TARS1: variants seen among roughly 807,000 people sequenced by gnomAD.
TARS1 encodes the protein threonyl-tRNA synthetase 1, also known as threonine--tRNA ligase 1, cytoplasmic.
TARS1 carries 57 observed loss-of-function variants against 97.7 expected under a neutral mutation model. The observed-to-expected ratio is 0.58, with a 90% CI of 0.47 to 0.73. The LOEUF (loss-of-function observed/expected upper bound fraction) is 0.73. TARS1 is among the 30% of genes least tolerant of loss of function. The pLI is 0.00. For synonymous variants in TARS1, 312 were observed against 293.7 expected (o/e 1.06, Z -0.64); for missense variants, 806 against 888.3 (o/e 0.91, Z 1.18).
rs938933542 is a variant in TARS1 at position 33,467,422 on chromosome 5, T to C, written c.2024-138T>C. 20 of 889,160 alleles carry C rather than the reference T, an allele frequency of 2.2e-5. No individual in the cohort carries two copies. In the Admixed American group the frequency reaches 5.7e-4, roughly 26 times the overall value. 55.1% of individuals were successfully genotyped at this position (889,160 alleles called of 1,614,324 possible). ...AGAGTTTCTTTTAAATATCAACACA[T>C]GGTCACTTGTACCTTTTAATGTATC... On this transcript the variant is annotated intron_variant, in intron 18 of 18. Coordinates refer to ENST00000265112, the MANE Select transcript of TARS1 (RefSeq NM_152295.5).
chr5:33,466,936 G>A lies in TARS1; in HGVS notation c.1974G>A (p.Leu658=). Residue 658 remains leucine, a synonymous_variant, in exon 18 of 19, where the codon TTG becomes TTA. Coordinates refer to ENST00000265112, the MANE Select transcript of TARS1 (RefSeq NM_152295.5). The part of the protein sequence containing the change: ...ADIDLDPGCT[L]NKKIRNAQLA... ...TTGATCTGGATCCAGGCTGTACATT[G>A]AATAAAAAGATTCGAAATGCACAGT... 1 of 1,604,994 alleles carries A rather than the reference G, an allele frequency of 6.2e-7. No homozygotes were observed. The highest frequency in any genetic ancestry group is 1.7e-5 in the Admixed American group (1 of 58,508).
chr5:33,460,078 G>A, intron 11 of TARS1: 2 of 422,018 alleles, frequency 4.7e-6, no homozygotes, highest in South Asian at 9.3e-5. Flanking sequence ...GTGCAGGTAT[G>A]CGATTATAGC....
At chr5:33,441,597 T>A (rs747941198) in intron 1 of TARS1, 9 of 163,600 alleles carry the variant, frequency 5.5e-5, no homozygotes, top group Non-Finnish European at 1.1e-4. Context: ...GCCCGAGATC[T>A]GACCCAGCTT....
At chr5:33,456,299 T>G in intron 8 of TARS1, 72 bp downstream of exon 8, 1 of 1,214,984 alleles carries the variant, frequency 8.2e-7, no homozygotes, top group Non-Finnish European at 1.2e-6. Flanking sequence ...TTTCACTGAT[T>G]TCTCTTTACC....
intron 5 of TARS1, 97 bp from the exon 6 acceptor site, chr5:33,455,490 C>T (rs1343175856): frequency 5.5e-6 from 4 of 731,158 alleles, no homozygotes; most frequent in African/African-American, 5.3e-5. Flanking sequence ...ATATTAAAAC[C>T]CTTGAAGTAT....
At chr5:33,441,219 G>T (rs192884792) in intron 1 of TARS1, 76 bp downstream of exon 1, 41 of 1,580,052 alleles carry the variant, frequency 2.6e-5, no homozygotes, top group Middle Eastern at 1.7e-4. Context: ...CGGCGGGAGC[G>T]GGGGGCAGGA....
intron 9 of TARS1, among the ~76,000 whole-genome samples, chr5:33,458,363 T>C (rs1455033363): frequency 6.6e-6 from 1 of 152,188 alleles, no homozygotes; most frequent in Non-Finnish European, 1.5e-5. Context: ...AGGGCATGTG[T>C]TACACGTCTG....
At chr5:33,466,391 T>A (rs2292015) in intron 17 of TARS1, among the ~76,000 whole-genome samples, 76,595 of 149,240 alleles carry the variant, frequency 0.51, 20,304 homozygotes, top group East Asian at 0.74. Context: ...ATAACCTGAT[T>A]AAAAAAAAAA....
chr5:33,461,043 C>T lies in TARS1; in HGVS notation c.1392C>T (p.His464=), dbSNP rs757946329. 4.0e-5 allele frequency: 64 copies of T among 1,614,022 alleles called. 2 individuals carry two copies. In the South Asian group the frequency reaches 6.6e-4, roughly 17 times the overall value. ...RVRRFQQDDA[H]IFCAMEQIED... ...GAAGATTCCAACAGGATGATGCTCA[C>T]ATATTCTGTGCCATGGAGCAGGTAT... Residue 464 remains histidine (H), a synonymous_variant, in exon 12 of 19, where the codon CAC becomes CAT. Transcript: ENST00000265112.
intron 3 of TARS1, among the ~76,000 whole-genome samples, chr5:33,449,459 T>C (rs1254662603): frequency 1.5e-5 from 2 of 132,780 alleles, no homozygotes; most frequent in African/African-American, 5.7e-5. Flanking sequence ...TTTTTTTTTT[T>C]TTTTTTTTTT....
intron 1 of TARS1, among the ~76,000 whole-genome samples, chr5:33,442,311 GT>G (rs1444448456): frequency 9.6e-6 from 1 of 104,052 alleles, no homozygotes; most frequent in Non-Finnish European, 2.0e-5. Context: ...TATTTTTACT[GT>G]TTTGTAACTT....
intron 2 of TARS1, among the ~76,000 whole-genome samples, chr5:33,447,080 G>A (rs963790208): frequency 3.3e-5 from 5 of 152,150 alleles, no homozygotes; most frequent in Admixed American, 2.0e-4. Context: ...GGGCCAAAAT[G>A]CGCTGTGACT....
At chr5:33,458,465 T>C in intron 9 of TARS1, 101 bp from the exon 10 acceptor site, 1 of 895,136 alleles carries the variant, frequency 1.1e-6, no homozygotes, top group Non-Finnish European at 1.7e-6. Flanking sequence ...ATATGGGACA[T>C]CATGACCATA....
At chr5:33,452,376 C>T (rs1400051694) in intron 3 of TARS1, 4 of 1,535,278 alleles carry the variant, frequency 2.6e-6, no homozygotes, top group African/African-American at 1.4e-5. Flanking sequence ...TCTTCACTTG[C>T]ATCTCTGCTT....
intron 3 of TARS1, 141 bp downstream of exon 3, chr5:33,448,872 A>T: frequency 1.5e-6 from 1 of 648,190 alleles, no homozygotes. Context: ...CCTACTTGAG[A>T]TTTTTTAAAA....
intron 11 of TARS1, 57 bp from the exon 12 acceptor site, chr5:33,460,845 G>GCATTACAGAA: frequency 3.8e-6 from 6 of 1,589,840 alleles, no homozygotes; most frequent in Non-Finnish European, 5.2e-6. Context: ...ATTAAATATA[G>GCATTACAGAA]CATTACAGAA....
intron 3 of TARS1, 26 bp from the exon 4 acceptor site, chr5:33,453,263 C>CTT (rs35931457): frequency 1.5e-3 from 2,051 of 1,338,616 alleles, no homozygotes; most frequent in South Asian, 5.2e-3. Context: ...TATGTGTGGA[C>CTT]TTTTTTTTTT....
intron 17 of TARS1, among the ~76,000 whole-genome samples, chr5:33,465,764 A>G (rs1195744771): frequency 6.6e-6 from 1 of 152,242 alleles, no homozygotes; most frequent in Admixed American, 6.5e-5. Flanking sequence ...ACATACATAA[A>G]TAACCCTTGG....
intron 10 of TARS1, 79 bp from the exon 11 acceptor site, chr5:33,459,616 A>G: frequency 6.6e-7 from 1 of 1,505,006 alleles, no homozygotes; most frequent in East Asian, 2.3e-5. Flanking sequence ...AGAGTATAAA[A>G]TCACTCTTTA....
Sources: allele counts gnomAD v4.1 joint callset (sites outside exome capture counted in the v4.1 genomes callset), GRCh38; gene constraint gnomAD v4.1.1; transcripts MANE v1.5; gene names NCBI Gene and HGNC (gene_info 2026-07-23, HGNC 2026-07-21).